The following HMG20A variants were observed in gnomAD, a reference collection of about 807,000 sequenced individuals.
HMG20A encodes high mobility group 20A.
A neutral mutation model predicts 43.9 loss-of-function variants in HMG20A; 17 were observed. The ratio of observed to expected loss-of-function variants is 0.39; its 90% CI spans 0.27 to 0.58. HMG20A has a LOEUF of 0.58. Ranked by LOEUF, HMG20A falls within the 20% of genes least tolerant of loss-of-function variation. The pLI, the probability that HMG20A is intolerant of heterozygous loss-of-function variation, is 0.59. For synonymous variants in HMG20A, 132 were observed against 147.5 expected (o/e 0.89, Z 0.76); for missense variants, 341 against 438.2 (o/e 0.78, Z 1.98).
chr15:77,462,896 C>CT (rs2072718617), intron 2 of HMG20A, among the ~76,000 whole-genome samples: 1 of 151,418 alleles, frequency 6.6e-6, no homozygotes, highest in South Asian at 2.1e-4. Flanking sequence ...CCTCAGCCTT[C>CT]TGAGTAGCTA....
At chr15:77,421,487 G>A (rs75933544) in intron 1 of HMG20A, among the ~76,000 whole-genome samples, 5,647 of 152,276 alleles carry the variant, frequency 0.037, 144 homozygotes, top group Non-Finnish European at 0.055. Flanking sequence ...TTTGCAAGAC[G>A]ACATAGCTTG....
At chr15:77,506,086 A>C in the HMG20A span, among the ~76,000 whole-genome samples, 13 of 151,908 alleles carry the variant, frequency 8.6e-5, no homozygotes, top group East Asian at 2.1e-3. Flanking sequence ...AAAAAAAAAA[A>C]AAAAACCCTT....
the HMG20A span, among the ~76,000 whole-genome samples, chr15:77,507,345 T>C: frequency 3.7e-4 from 56 of 152,242 alleles, no homozygotes; most frequent in African/African-American, 1.3e-3. Context: ...GGCAGGTGCA[T>C]GTACACACAC....
the HMG20A span, among the ~76,000 whole-genome samples, chr15:77,506,859 G>A: frequency 6.6e-6 from 1 of 152,246 alleles, no homozygotes; most frequent in African/African-American, 2.4e-5. Flanking sequence ...ATGTGATGAA[G>A]AGAAGGAAGG....
intron 3 of HMG20A, among the ~76,000 whole-genome samples, chr15:77,466,054 G>A (rs1321820659): frequency 6.6e-6 from 1 of 152,026 alleles, no homozygotes; most frequent in African/African-American, 2.4e-5. Flanking sequence ...TGATTTACCT[G>A]GTAACTCAAC....
intron 9 of HMG20A, among the ~76,000 whole-genome samples, chr15:77,481,855 T>C (rs548123225): frequency 1.9e-4 from 29 of 152,346 alleles, no homozygotes; most frequent in Non-Finnish European, 3.8e-4. Context: ...TATACAAATA[T>C]GTACAGACAG....
chr15:77,436,243 C>A (rs959124076), intron 1 of HMG20A, among the ~76,000 whole-genome samples: 1 of 152,116 alleles, frequency 6.6e-6, no homozygotes, highest in Non-Finnish European at 1.5e-5. Flanking sequence ...TCTTACTAAT[C>A]CCCTTACCCG....
At chr15:77,440,492 T>G (rs2073600047) in intron 1 of HMG20A, among the ~76,000 whole-genome samples, 1 of 152,200 alleles carries the variant, frequency 6.6e-6, no homozygotes, top group Non-Finnish European at 1.5e-5. Flanking sequence ...GGCTAGGTTA[T>G]TGCTATTTAT....
chr15:77,428,389 A>T (rs1028531357), intron 1 of HMG20A, among the ~76,000 whole-genome samples: 1 of 152,218 alleles, frequency 6.6e-6, no homozygotes, highest in East Asian at 1.9e-4. Context: ...AAAGTAAAGT[A>T]ACCTTTTAAA....
At position 77,467,093 on chromosome 15, in the gene HMG20A, A is replaced by G; in HGVS notation, c.238-2A>G. ...GGTTTTTTATTTTGTTTTGTTTTGT[A>G]GCAACGAAGTAAACGAGGAGGTTGG... is the stretch of plus-strand genomic sequence containing the variant. On this transcript the variant is annotated splice_acceptor_variant, in intron 3 of 9. Coordinates refer to ENST00000336216, the MANE Select transcript of HMG20A (RefSeq NM_001304504.2). LOFTEE classifies it high-confidence loss of function. 6.2e-7 allele frequency: 1 copy of G among 1,610,262 alleles called. No individual in the cohort carries two copies. Among genetic ancestry groups the G allele is most frequent in the Admixed American group, 1.7e-5 (1 of 59,548 alleles).
At chr15:77,486,370 C>T (rs933652947), downstream of HMG20A, among the ~76,000 whole-genome samples, 4 of 151,120 alleles carry the variant, frequency 2.6e-5, no homozygotes, top group Admixed American at 2.0e-4. Context: ...AAGCGATTCT[C>T]CTGCCTCAGC....
chr15:77,507,945 G>C, the HMG20A span, among the ~76,000 whole-genome samples: 5 of 151,808 alleles, frequency 3.3e-5, no homozygotes, highest in Admixed American at 2.0e-4. Context: ...CTTGTCTTTG[G>C]GGGGGCCCAC....
the HMG20A span, among the ~76,000 whole-genome samples, chr15:77,499,736 C>A: frequency 3.3e-5 from 5 of 152,134 alleles, no homozygotes; most frequent in East Asian, 9.6e-4. Flanking sequence ...TCTCATTTGT[C>A]CCCCTCTTAA....
At chr15:77,450,483 G>C (rs2073724742) in intron 1 of HMG20A, among the ~76,000 whole-genome samples, 1 of 152,166 alleles carries the variant, frequency 6.6e-6, no homozygotes, top group African/African-American at 2.4e-5. Context: ...CCATGAGAAA[G>C]CAAAGATGTC....
chr15:77,456,663 A>T (rs2072657996), intron 1 of HMG20A, among the ~76,000 whole-genome samples: 1 of 151,336 alleles, frequency 6.6e-6, no homozygotes, highest in Admixed American at 6.6e-5. Context: ...AAAGCCAGTC[A>T]AGTGAGTTCC....
At chr15:77,494,217 ACTC>A in the HMG20A span, among the ~76,000 whole-genome samples, 1 of 152,006 alleles carries the variant, frequency 6.6e-6, no homozygotes, top group African/African-American at 2.4e-5. Flanking sequence ...AGAGCCTTGA[ACTC>A]CTGGGCTCAA....
the HMG20A span, among the ~76,000 whole-genome samples, chr15:77,514,984 T>C: frequency 6.6e-6 from 1 of 151,986 alleles, no homozygotes; most frequent in Non-Finnish European, 1.5e-5. Context: ...AATGTCCAGG[T>C]TTTTTCCTTG....
At chr15:77,464,651 G>T in intron 3 of HMG20A, 1 of 308,114 alleles carries the variant, frequency 3.2e-6, no homozygotes, top group South Asian at 3.8e-5. Flanking sequence ...TGTTGAATGA[G>T]TGAATGATTT....
intron 1 of HMG20A, among the ~76,000 whole-genome samples, chr15:77,448,891 GA>G (rs1012940033): frequency 1.2e-4 from 18 of 149,226 alleles, no homozygotes; most frequent in African/African-American, 3.4e-4. Context: ...AGACCAGCTG[GA>G]AAAAAAAAAT....
Sources: allele counts gnomAD v4.1 joint callset (sites outside exome capture counted in the v4.1 genomes callset), GRCh38; gene constraint gnomAD v4.1.1; transcripts MANE v1.5; gene names NCBI Gene and HGNC (gene_info 2026-07-23, HGNC 2026-07-21).